The following ADAMTSL1 variants were observed in gnomAD, a reference collection of about 807,000 sequenced individuals.
The protein encoded by ADAMTSL1 is ADAMTS-like protein 1.
ADAMTSL1 carries 126 observed loss-of-function variants against 201.8 expected under a neutral mutation model. The ratio of observed to expected loss-of-function variants is 0.62; its 90% CI spans 0.54 to 0.72. The LOEUF (loss-of-function observed/expected upper bound fraction) is 0.72, where lower values mean the gene tolerates loss of function less well. ADAMTSL1 is among the 30% of genes least tolerant of loss of function. ADAMTSL1 has a pLI of 0.00. For synonymous variants in ADAMTSL1, 1,121 were observed against 903.4 expected, an observed-to-expected ratio of 1.24 and a Z score of -4.32; for missense variants, 2,679 against 2,277.8, an observed-to-expected ratio of 1.18 and a Z score of -3.59.
chr9:18,024,498 T>C (rs756800434), intron 1 of ADAMTSL1, among the ~76,000 whole-genome samples: 2 of 151,666 alleles, frequency 1.3e-5, no homozygotes, highest in African/African-American at 4.8e-5. Context: ...TTCCTACTTG[T>C]AAGTGAGAAC....
At chr9:18,873,151 C>G (rs7029037) in intron 23 of ADAMTSL1, among the ~76,000 whole-genome samples, 19,938 of 151,874 alleles carry the variant, frequency 0.13, 2,306 homozygotes, top group African/African-American at 0.31. Flanking sequence ...TGTCCTTAGC[C>G]CACTTATGGA....
chr9:18,043,569 C>T (rs755952230), intron 1 of ADAMTSL1, among the ~76,000 whole-genome samples: 1 of 151,962 alleles, frequency 6.6e-6, no homozygotes, highest in Non-Finnish European at 1.5e-5. Context: ...CTAGGCCTAA[C>T]CCCTACCCCA....
chr9:18,139,520 G>A (rs781753336), intron 1 of ADAMTSL1, among the ~76,000 whole-genome samples: 4 of 152,096 alleles, frequency 2.6e-5, no homozygotes, highest in African/African-American at 2.4e-5. Context: ...TAACCCCTGA[G>A]AAAATCCACA....
intron 19 of ADAMTSL1, among the ~76,000 whole-genome samples, chr9:18,783,939 T>C (rs1161100917): frequency 6.6e-6 from 1 of 152,200 alleles, no homozygotes; most frequent in Non-Finnish European, 1.5e-5. Context: ...TCCATGCTGC[T>C]TTCATGCTTA....
intron 1 of ADAMTSL1, among the ~76,000 whole-genome samples, chr9:18,072,593 A>G (rs910486186): frequency 2.6e-5 from 4 of 152,236 alleles, no homozygotes; most frequent in Non-Finnish European, 4.4e-5. Context: ...TCTATCTCAC[A>G]AATAATGTTC....
chr9:18,687,350 T>C (rs1830900172), intron 13 of ADAMTSL1, among the ~76,000 whole-genome samples: 1 of 152,206 alleles, frequency 6.6e-6, no homozygotes, highest in South Asian at 2.1e-4. Flanking sequence ...CTATAATTAC[T>C]CTCTGAAGCA....
At chr9:18,859,572 T>TATC (rs986691600) in intron 23 of ADAMTSL1, among the ~76,000 whole-genome samples, 40 of 152,320 alleles carry the variant, frequency 2.6e-4, no homozygotes, top group African/African-American at 8.9e-4. Flanking sequence ...TAATATATAC[T>TATC]ATCATGCATT....
chr9:18,583,424 T>A (rs1823248185), intron 4 of ADAMTSL1, among the ~76,000 whole-genome samples: 1 of 152,244 alleles, frequency 6.6e-6, no homozygotes, highest in South Asian at 2.1e-4. Context: ...AGAAGATGTA[T>A]GGAAATACCT....
At chr9:17,938,223 G>T (rs756225514) in intron 1 of ADAMTSL1, among the ~76,000 whole-genome samples, 6 of 152,254 alleles carry the variant, frequency 3.9e-5, no homozygotes, top group Admixed American at 2.6e-4. Flanking sequence ...ATTCCATGGA[G>T]CTGCTGTCAG....
intron 1 of ADAMTSL1, among the ~76,000 whole-genome samples, chr9:17,972,544 T>G (rs550041155): frequency 6.6e-6 from 1 of 152,034 alleles, no homozygotes; most frequent in Non-Finnish European, 1.5e-5. Flanking sequence ...GTGCCACATT[T>G]TCTTAATCCA....
intron 2 of ADAMTSL1, among the ~76,000 whole-genome samples, chr9:18,310,617 C>G (rs1218177134): frequency 6.6e-6 from 1 of 152,144 alleles, no homozygotes; most frequent in African/African-American, 2.4e-5. Context: ...GTCATCGTCA[C>G]TGGTCATTAG....
At chr9:18,488,927 A>AGAC (rs1822130510) in intron 1 of ADAMTSL1, among the ~76,000 whole-genome samples, 1 of 152,160 alleles carries the variant, frequency 6.6e-6, no homozygotes, top group Non-Finnish European at 1.5e-5. Flanking sequence ...AGACAGAATA[A>AGAC]AGATAAAAGT....
At chr9:18,141,983 T>C (rs1826418211) in intron 1 of ADAMTSL1, among the ~76,000 whole-genome samples, 1 of 152,206 alleles carries the variant, frequency 6.6e-6, no homozygotes, top group Admixed American at 6.5e-5. Context: ...AGTGAAACTT[T>C]ACATCTGTAT....
At chr9:18,635,830 C>G (rs923998175) in intron 5 of ADAMTSL1, 113 bp from the exon 6 acceptor site, 1 of 843,580 alleles carries the variant, frequency 1.2e-6, no homozygotes, top group East Asian at 2.8e-5. Flanking sequence ...ATTTCAAACA[C>G]TTAAAAAAAC....
intron 2 of ADAMTSL1, among the ~76,000 whole-genome samples, chr9:18,309,336 G>T (rs1192971533): frequency 6.6e-6 from 1 of 152,116 alleles, no homozygotes; most frequent in African/African-American, 2.4e-5. Context: ...GCTGTGGCCA[G>T]GGCAATCAGG....
chr9:18,100,105 G>A (rs917485885), intron 1 of ADAMTSL1, among the ~76,000 whole-genome samples: 2 of 151,788 alleles, frequency 1.3e-5, no homozygotes, highest in South Asian at 2.1e-4. Flanking sequence ...TCTTAATATT[G>A]TTTAGCCTGT....
At chr9:18,051,137 T>C (rs528567295) in intron 1 of ADAMTSL1, among the ~76,000 whole-genome samples, 1 of 152,132 alleles carries the variant, frequency 6.6e-6, no homozygotes, top group Non-Finnish European at 1.5e-5. Context: ...CCATCTCTAC[T>C]AAAAATACAA....
intron 2 of ADAMTSL1, among the ~76,000 whole-genome samples, chr9:18,320,570 G>T (rs1834578224): frequency 6.6e-6 from 1 of 152,178 alleles, no homozygotes; most frequent in Non-Finnish European, 1.5e-5. Flanking sequence ...TCTAGAGGAA[G>T]AAATTATAAA....
At chr9:18,537,688 A>G (rs552905553) in intron 3 of ADAMTSL1, among the ~76,000 whole-genome samples, 7 of 152,076 alleles carry the variant, frequency 4.6e-5, no homozygotes, top group South Asian at 4.2e-4. Context: ...CTAGCCTGAG[A>G]AACATAGCAA....
Sources: allele counts gnomAD v4.1 joint callset (sites outside exome capture counted in the v4.1 genomes callset), GRCh38; gene constraint gnomAD v4.1.1; transcripts MANE v1.5; gene names NCBI Gene and HGNC (gene_info 2026-07-23, HGNC 2026-07-21).